The following CHIC1 variants were observed in gnomAD, a reference collection of about 807,000 sequenced individuals.
The protein encoded by CHIC1 is cysteine-rich hydrophobic domain-containing protein 1.
In CHIC1, 7 loss-of-function variants were observed where a neutral mutation model predicts 18.5. The ratio of observed to expected loss-of-function variants is 0.38; its 90% CI spans 0.22 to 0.71. The LOEUF (loss-of-function observed/expected upper bound fraction) is 0.71, where lower values mean the gene tolerates loss of function less well. CHIC1 is among the 30% of genes least tolerant of loss of function. The pLI, the probability that CHIC1 is intolerant of heterozygous loss-of-function variation, is 0.49. For missense variants in CHIC1, 159 were observed against 176.9 expected (o/e 0.90, Z 0.57); for synonymous variants, 77 against 73.5 (o/e 1.05, Z -0.25).
chrX:73,599,461 T>G (rs1173851212), intron 3 of CHIC1, among the ~76,000 whole-genome samples: 2 of 96,689 alleles, frequency 2.1e-5, no homozygotes, highest in Non-Finnish European at 4.0e-5. Flanking sequence ...TTTTTATGGT[T>G]TTAGGTCTAA....
intron 3 of CHIC1, among the ~76,000 whole-genome samples, chrX:73,661,857 C>T (rs1362135114): frequency 4.5e-5 from 5 of 110,009 alleles, no homozygotes; most frequent in Non-Finnish European, 1.9e-5. Flanking sequence ...CCATGTTTAC[C>T]AGAGTCATTC....
intron 3 of CHIC1, among the ~76,000 whole-genome samples, chrX:73,631,770 ACTTTC>A (rs1192478332): frequency 8.9e-6 from 1 of 112,187 alleles, no homozygotes; most frequent in African/African-American, 3.2e-5. Context: ...TTGTTTTCAA[ACTTTC>A]CTTTTGATTT....
chrX:73,654,885 TTTTA>T (rs1324344133), intron 3 of CHIC1, among the ~76,000 whole-genome samples: 2 of 111,810 alleles, frequency 1.8e-5, no homozygotes, highest in Non-Finnish European at 3.8e-5. Flanking sequence ...TTCAATTTGA[TTTTA>T]TTTATTTGGC....
chrX:73,656,262 C>T (rs1163981167), intron 3 of CHIC1, among the ~76,000 whole-genome samples: 1 of 111,400 alleles, frequency 9.0e-6, no homozygotes, highest in African/African-American at 3.3e-5. Context: ...TTTGTTCACC[C>T]TGATAATAGT....
In CHIC1 at chrX:73,686,932, G is replaced by C. The variant is rs1329212087; in HGVS notation, c.*5927G>C. 1 of 111,193 alleles carries C rather than the reference G, an allele frequency of 9.0e-6. No individual in the cohort carries two copies. The highest frequency in any genetic ancestry group is 1.9e-5 in the Non-Finnish European group (1 of 52,818). 9.2% of individuals were successfully genotyped at this position (111,193 alleles called of 1,213,427 possible). On this transcript the variant is annotated 3_prime_UTR_variant, in exon 6 of 6. Transcript: ENST00000373502. ...GGAATGAATTCATTTTTTCTCCCTT[G>C]AGTCCAGGAATGACTTCCCTGGAAA...
At position 73,684,901 on chromosome X, in the gene CHIC1, G is replaced by A. The variant is rs1417264466; in HGVS notation, c.*3896G>A. 9.0e-6 allele frequency: 1 copy of A among 110,531 alleles called. No homozygotes were observed. Among genetic ancestry groups the A allele is most frequent in the Non-Finnish European group, 1.9e-5 (1 of 52,705 alleles). The allele number at this position is 110,531 out of a possible 1,213,427, so 9.1% of individuals were successfully genotyped here. On this transcript the variant is annotated 3_prime_UTR_variant, in exon 6 of 6. Coordinates refer to ENST00000373502, the MANE Select transcript of CHIC1 (RefSeq NM_001039840.4). Reference sequence around the variant, plus strand: ...GATTCTGAGCCAGCCTTTTTGTTTTGATGGCACCCTGTGAGTATGTTCCAT... The same window carrying A: ...GATTCTGAGCCAGCCTTTTTGTTTTAATGGCACCCTGTGAGTATGTTCCAT...
At chrX:73,639,918 G>C (rs2057847375) in intron 3 of CHIC1, among the ~76,000 whole-genome samples, 1 of 111,817 alleles carries the variant, frequency 8.9e-6, no homozygotes, top group African/African-American at 3.2e-5. Context: ...ATCAGCTCAA[G>C]GAGCTTTTAG....
chrX:73,664,374 T>G (rs1192513692), intron 3 of CHIC1, among the ~76,000 whole-genome samples: 1 of 111,333 alleles, frequency 9.0e-6, no homozygotes, highest in Non-Finnish European at 1.9e-5. Flanking sequence ...CTCTCACTTT[T>G]CACTTCAGGA....
chrX:73,581,551 C>G (rs2057527449), intron 2 of CHIC1, among the ~76,000 whole-genome samples: 1 of 110,909 alleles, frequency 9.0e-6, no homozygotes, highest in African/African-American at 3.3e-5. Context: ...GTCTTTAGCT[C>G]TGTTTTATGA....
At chrX:73,574,251 C>T (rs939965275) in intron 1 of CHIC1, among the ~76,000 whole-genome samples, 4 of 110,819 alleles carry the variant, frequency 3.6e-5, no homozygotes, top group East Asian at 5.7e-4. Flanking sequence ...GTATGTTGAA[C>T]CAACCTTGCA....
intron 3 of CHIC1, among the ~76,000 whole-genome samples, chrX:73,588,071 G>A (rs2057561861): frequency 9.0e-6 from 1 of 111,500 alleles, no homozygotes; most frequent in Non-Finnish European, 1.9e-5. Flanking sequence ...TACTTTTCTG[G>A]TCAGCTTGAG....
Position 73,631,200 on chromosome X carries a change from G to A in CHIC1, c.507+46628G>A, listed in dbSNP as rs2057805338. Among the ~76,000 whole-genome samples the A allele has an allele frequency of 2.7e-5, 3 of 111,353 alleles. No individual in the cohort carries two copies. The Admixed American group carries it at 2.9e-4, about 11-fold the overall frequency. On this transcript the variant is annotated intron_variant, in intron 3 of 5. Transcript: ENST00000373502. ...CTTTATCTTTTCAAAAAGACTCATA[G>A]TTTTTTGGATCTTTTAAATTGTTTT...
At chrX:73,642,362 C>T (rs777768039) in intron 3 of CHIC1, among the ~76,000 whole-genome samples, 3 of 111,172 alleles carry the variant, frequency 2.7e-5, no homozygotes, top group South Asian at 3.8e-4. Flanking sequence ...CTTTTGATGG[C>T]GTTGTTTGTT....
intron 3 of CHIC1, among the ~76,000 whole-genome samples, chrX:73,626,390 A>G (rs2057783694): frequency 9.0e-6 from 1 of 111,012 alleles, no homozygotes; most frequent in Non-Finnish European, 1.9e-5. Context: ...TAAACTTACT[A>G]CTTCTGTCTC....
chrX:73,590,146 G>A (rs1311248722), intron 3 of CHIC1, among the ~76,000 whole-genome samples: 2 of 109,837 alleles, frequency 1.8e-5, no homozygotes, highest in Non-Finnish European at 3.8e-5. Context: ...TTTTTTTTCT[G>A]TGTGCAGTTT....
chrX:73,563,148 A>C (rs1773720031), upstream of CHIC1: 1 of 40,742 alleles, frequency 2.5e-5, no homozygotes, highest in East Asian at 1.3e-3. Context: ...CCGTCTGCCC[A>C]ACACGCAGGC....
intron 3 of CHIC1, among the ~76,000 whole-genome samples, chrX:73,610,816 A>G (rs1400233601): frequency 1.9e-5 from 2 of 107,786 alleles, no homozygotes; most frequent in Non-Finnish European, 3.8e-5. Flanking sequence ...GGTAGGTTAT[A>G]GTGTCCTGGA....
At chrX:73,584,637 C>A in intron 3 of CHIC1, 65 bp downstream of exon 3, 1 of 809,840 alleles carries the variant, frequency 1.2e-6, no homozygotes, top group Non-Finnish European at 1.7e-6. Context: ...TTACTATGTG[C>A]TATGAACTCT....
At position 73,563,400 on chromosome X, in the gene CHIC1, C is replaced by G; in HGVS notation, c.116C>G (p.Ser39Cys). ...TCGCCGTCGTCGTCGTCGTCGGTAT[C>G]TGGGCCCGACGATGACGAGGAGGAT... ...SSSPSSSSSVSGPDDDEEDEE... is the reference protein window; with the variant it reads ...SSSPSSSSSVCGPDDDEEDEE... Residue 39 changes from serine to cysteine, a missense_variant, in exon 1 of 6, where the codon TCT (serine) becomes TGT (cysteine). By Grantham distance (112) the Ser-to-Cys change is moderately radical (BLOSUM62 -1). Transcript: ENST00000373502. The G allele has an allele frequency of 8.6e-7, 1 of 1,157,591 alleles. No homozygotes were observed. Among genetic ancestry groups the G allele is most frequent in the Non-Finnish European group, 1.2e-6 (1 of 867,780 alleles).
Sources: allele counts gnomAD v4.1 joint callset (sites outside exome capture counted in the v4.1 genomes callset), GRCh38; gene constraint gnomAD v4.1.1; transcripts MANE v1.5; gene names NCBI Gene and HGNC (gene_info 2026-07-23, HGNC 2026-07-21).